The following SAMD4A variants were observed in gnomAD, a reference collection of about 807,000 sequenced individuals.
SAMD4A encodes the protein protein Smaug homolog 1.
In SAMD4A, 33 loss-of-function variants were observed where a neutral mutation model predicts 81.3. That is an observed-to-expected ratio of 0.41 (90% CI 0.31 to 0.54). The LOEUF (loss-of-function observed/expected upper bound fraction) is 0.54. Ranked by LOEUF, SAMD4A falls within the 20% of genes least tolerant of loss-of-function variation. The pLI is 0.37. For synonymous variants in SAMD4A, 389 were observed against 382.1 expected (o/e 1.02, Z -0.21); for missense variants, 854 against 951.1 (o/e 0.90, Z 1.34).
intron 2 of SAMD4A, among the ~76,000 whole-genome samples, chr14:54,622,748 C>T (rs1041312892): frequency 3.3e-5 from 5 of 152,154 alleles, no homozygotes; most frequent in Non-Finnish European, 7.3e-5. Context: ...ACTGGTCTGT[C>T]GTGCAGCGTA....
intron 3 of SAMD4A, among the ~76,000 whole-genome samples, chr14:54,716,525 C>T (rs1046673365): frequency 6.6e-6 from 1 of 152,080 alleles, no homozygotes; most frequent in Non-Finnish European, 1.5e-5. Flanking sequence ...TTGAAGCAAC[C>T]TTTTTTTAAA....
intron 2 of SAMD4A, among the ~76,000 whole-genome samples, chr14:54,647,438 C>T (rs1187850309): frequency 5.3e-5 from 8 of 152,180 alleles, no homozygotes; most frequent in African/African-American, 1.9e-4. Flanking sequence ...AACTGCTTCC[C>T]CACTATGTTA....
chr14:54,577,491 G>T (rs1015104556), intron 2 of SAMD4A, among the ~76,000 whole-genome samples: 23 of 152,234 alleles, frequency 1.5e-4, no homozygotes, highest in African/African-American at 5.5e-4. Flanking sequence ...GACATATAAA[G>T]CATTAAAGTG....
chr14:54,608,623 T>C (rs1471098548), intron 2 of SAMD4A, among the ~76,000 whole-genome samples: 1 of 152,236 alleles, frequency 6.6e-6, no homozygotes, highest in Non-Finnish European at 1.5e-5. Flanking sequence ...GTTATTGAGT[T>C]TGATATTTCG....
At chr14:54,611,042 A>G (rs2034338891) in intron 2 of SAMD4A, among the ~76,000 whole-genome samples, 1 of 152,224 alleles carries the variant, frequency 6.6e-6, no homozygotes, top group Admixed American at 6.5e-5. Flanking sequence ...TAAAAATCAC[A>G]TTAATTGTGA....
chr14:54,693,977 A>C (rs1594821671), intron 2 of SAMD4A: 1 of 152,546 alleles, frequency 6.6e-6, no homozygotes, highest in South Asian at 2.1e-4. Context: ...GGTGTGGGGG[A>C]AACGTGTTCC....
Position 54,737,137 on chromosome 14 carries a change from C to A in SAMD4A, c.829C>A (p.Arg277=), listed in dbSNP as rs1461067531. 1.2e-6 allele frequency: 2 copies of A among 1,614,106 alleles called. No individual in the cohort carries two copies. The highest frequency in any genetic ancestry group is 2.2e-5 in the East Asian group (1 of 44,886). The part of the protein sequence containing the change: ...GHGWMSHEDL[R]ARGPQCLPSD... ...TGGATGGATGTCTCATGAGGACTTA[C>A]GAGCTAGAGGACCCCAGTGCCTCCC... The change falls in exon 4 of 13, where the codon CGA becomes AGA. Residue 277 remains arginine (R), a synonymous_variant. Transcript: ENST00000554335.
At chr14:54,605,756 A>G (rs2140242169) in intron 2 of SAMD4A, among the ~76,000 whole-genome samples, 1 of 151,942 alleles carries the variant, frequency 6.6e-6, no homozygotes, top group East Asian at 1.9e-4. Context: ...TGTGTGTAAA[A>G]CTGTATTTTC....
Position 54,675,954 on chromosome 14 carries a change from G to A in SAMD4A, c.197-26108G>A, listed in dbSNP as rs1032265135. Among the ~76,000 whole-genome samples, 17 of 152,254 alleles carry A rather than the reference G, an allele frequency of 1.1e-4. No individual in the cohort carries two copies. The East Asian group carries it at 1.5e-3, about 14-fold the overall frequency. Reference sequence around the variant, plus strand: ...CACAAACCTTAGCCTAAATATAGAAGGCTAAAAAAGAATCCTTCCACGGGA... The same window carrying A: ...CACAAACCTTAGCCTAAATATAGAAAGCTAAAAAAGAATCCTTCCACGGGA... On this transcript the variant is annotated intron_variant, in intron 2 of 12. Transcript: ENST00000554335.
In SAMD4A at chr14:54,760,239, A is replaced by C; in HGVS notation, c.1255A>C (p.Ser419Arg). The C allele has an allele frequency of 1.2e-6, 2 of 1,613,202 alleles. No homozygotes were observed. Among genetic ancestry groups the C allele is most frequent in the Non-Finnish European group, 1.7e-6 (2 of 1,179,882 alleles). Residue 419 changes from serine to arginine, a missense_variant, in exon 7 of 13, where the codon AGC becomes CGC. Transcript: ENST00000554335. The stretch of plus-strand genomic sequence containing the variant: ...GATCCTGACTCCGATCAAGGCCTAC[A>C]GCTCCCCGAGCACCACCCCCGAGGC... ...QMILTPIKAYSSPSTTPEARR... is the reference protein window; with the variant it reads ...QMILTPIKAYRSPSTTPEARR...
At chr14:54,733,182 C>T (rs80068550) in intron 3 of SAMD4A, among the ~76,000 whole-genome samples, 1 of 152,186 alleles carries the variant, frequency 6.6e-6, no homozygotes, top group African/African-American at 2.4e-5. Context: ...CATCACACTG[C>T]CCGACTGCTG....
intron 2 of SAMD4A, among the ~76,000 whole-genome samples, chr14:54,666,449 A>G (rs1432357419): frequency 4.6e-5 from 7 of 152,150 alleles, no homozygotes; most frequent in Non-Finnish European, 1.0e-4. Context: ...ACCCACCTAT[A>G]GGAAAAGTCG....
chr14:54,784,885 C>T (rs1047142366), intron 12 of SAMD4A, among the ~76,000 whole-genome samples: 5 of 152,138 alleles, frequency 3.3e-5, no homozygotes, highest in African/African-American at 9.7e-5. Flanking sequence ...TCCCTCTGTC[C>T]CCAGAAGCTC....
chr14:54,709,877 T>C (rs1408889415), intron 3 of SAMD4A, among the ~76,000 whole-genome samples: 1 of 152,218 alleles, frequency 6.6e-6, no homozygotes, highest in Non-Finnish European at 1.5e-5. Context: ...AAGTATTTCC[T>C]GGCTTTCTTA....
chr14:54,777,828 T>C (rs537732536), intron 11 of SAMD4A, among the ~76,000 whole-genome samples: 2 of 152,326 alleles, frequency 1.3e-5, no homozygotes, highest in East Asian at 3.9e-4. Context: ...TCACTTTTGT[T>C]TTAAAGCTCC....
intron 2 of SAMD4A, among the ~76,000 whole-genome samples, chr14:54,589,922 C>T (rs991488057): frequency 2.6e-5 from 4 of 152,142 alleles, no homozygotes; most frequent in Admixed American, 6.5e-5. Flanking sequence ...ACCTCTTGCC[C>T]TGAATTATTT....
chr14:54,732,448 G>C (rs781535670), intron 3 of SAMD4A, among the ~76,000 whole-genome samples: 1 of 151,962 alleles, frequency 6.6e-6, no homozygotes, highest in African/African-American at 2.4e-5. Flanking sequence ...CTTTCAGAAG[G>C]CTTCCAGTTC....
intron 2 of SAMD4A, among the ~76,000 whole-genome samples, chr14:54,677,300 T>G (rs1427762613): frequency 6.6e-6 from 1 of 152,258 alleles, no homozygotes; most frequent in Non-Finnish European, 1.5e-5. Context: ...GGATCTATGT[T>G]ATTTTGCTAT....
chr14:54,572,698 A>T lies in SAMD4A; in HGVS notation c.196+4586A>T, dbSNP rs1465264895. Among the ~76,000 whole-genome samples, 3 of 152,228 alleles carry T rather than the reference A, an allele frequency of 2.0e-5. No individual in the cohort carries two copies. In the South Asian group the frequency reaches 6.2e-4, roughly 32 times the overall value. On this transcript the variant is annotated intron_variant, in intron 2 of 12. Transcript: ENST00000554335. ...TAAATCAGCCTGGGCTAGTTAAATA[A>T]TTTCTAAGCCTCAGTTTTCTTATCT...
Sources: gnomAD v4.1 joint callset for allele counts (sites outside exome capture counted in the v4.1 genomes callset) on GRCh38, gnomAD v4.1.1 for gene constraint, MANE v1.5 for transcripts, NCBI Gene and HGNC (gene_info 2026-07-23, HGNC 2026-07-21) for gene names.